MOB3B: variants seen among roughly 807,000 people sequenced by gnomAD.
MOB3B encodes MOB kinase activator-like 2B.
Under a neutral mutation model 18.7 loss-of-function variants are expected in MOB3B, and 7 were observed. The observed-to-expected ratio is 0.37, with a 90% CI of 0.21 to 0.70. The LOEUF (loss-of-function observed/expected upper bound fraction) is 0.70. Ranked by LOEUF, MOB3B falls within the 30% of genes least tolerant of loss-of-function variation. MOB3B has a pLI of 0.52. For synonymous variants in MOB3B, 111 were observed against 99.9 expected, an observed-to-expected ratio of 1.11 and a Z score of -0.66; for missense variants, 253 against 281.3, an observed-to-expected ratio of 0.90 and a Z score of 0.72.
intron 1 of MOB3B, among the ~76,000 whole-genome samples, chr9:27,525,717 T>C (rs1820426208): frequency 6.6e-6 from 1 of 152,190 alleles, no homozygotes; most frequent in Admixed American, 6.5e-5. Context: ...TGGTACAGAA[T>C]CTGTCTTTTA....
At chr9:27,407,753 C>A (rs1166900914) in intron 2 of MOB3B, among the ~76,000 whole-genome samples, 1 of 152,148 alleles carries the variant, frequency 6.6e-6, no homozygotes, top group Non-Finnish European at 1.5e-5. Context: ...GCTATCTGGG[C>A]ACTGGGAAGG....
intron 1 of MOB3B, among the ~76,000 whole-genome samples, chr9:27,520,074 T>C (rs899149736): frequency 6.6e-6 from 1 of 152,198 alleles, no homozygotes; most frequent in Non-Finnish European, 1.5e-5. Context: ...TTGAGTAATA[T>C]GGATGATCAA....
At chr9:27,499,752 G>T (rs1028483070) in intron 1 of MOB3B, among the ~76,000 whole-genome samples, 3 of 150,750 alleles carry the variant, frequency 2.0e-5, no homozygotes, top group African/African-American at 4.9e-5. Context: ...ATGGCTTTTG[G>T]TTTTTTTTTC....
At chr9:27,412,233 C>T (rs1384931792) in intron 2 of MOB3B, among the ~76,000 whole-genome samples, 1 of 151,614 alleles carries the variant, frequency 6.6e-6, no homozygotes, top group Non-Finnish European at 1.5e-5. Context: ...GCAGCCATAC[C>T]TACCCCCATT....
chr9:27,333,209 T>C (rs1820812676), intron 3 of MOB3B, among the ~76,000 whole-genome samples: 1 of 152,168 alleles, frequency 6.6e-6, no homozygotes, highest in Non-Finnish European at 1.5e-5. Context: ...GGGATGCCTC[T>C]TAAATTCATA....
chr9:27,427,739 T>A (rs760658110), intron 2 of MOB3B, among the ~76,000 whole-genome samples: 2 of 152,222 alleles, frequency 1.3e-5, no homozygotes, highest in Non-Finnish European at 2.9e-5. Context: ...GGGAAATGAA[T>A]GCCTTTGGAA....
chr9:27,462,369 G>A (rs1819306735), intron 1 of MOB3B, among the ~76,000 whole-genome samples: 1 of 152,144 alleles, frequency 6.6e-6, no homozygotes, highest in Non-Finnish European at 1.5e-5. Context: ...TCAGGTGAGG[G>A]TAGAAGAATG....
intron 1 of MOB3B, among the ~76,000 whole-genome samples, chr9:27,523,464 C>CAAAAAAAAAAAAAAAAA (rs55637136): frequency 1.0e-3 from 141 of 141,600 alleles, no homozygotes; most frequent in African/African-American, 1.3e-3. Flanking sequence ...TAAACTGCAC[C>CAAAAAAAAAAAAAAAAA]AAAAAAAAAA....
intron 2 of MOB3B, among the ~76,000 whole-genome samples, chr9:27,377,179 G>C (rs1426583507): frequency 2.6e-5 from 4 of 152,226 alleles, no homozygotes; most frequent in African/African-American, 9.6e-5. Flanking sequence ...AGCCATCAGA[G>C]AACTATTACT....
At chr9:27,507,186 C>T (rs1640096724) in intron 1 of MOB3B, among the ~76,000 whole-genome samples, 1 of 152,146 alleles carries the variant, frequency 6.6e-6, no homozygotes, top group Non-Finnish European at 1.5e-5. Flanking sequence ...GAAACAGAAG[C>T]TTCCATATGA....
chr9:27,478,087 T>C (rs1819582815), intron 1 of MOB3B, among the ~76,000 whole-genome samples: 1 of 152,224 alleles, frequency 6.6e-6, no homozygotes, highest in South Asian at 2.1e-4. Context: ...ACCAAGCCTA[T>C]GTCATGCACA....
intron 1 of MOB3B, among the ~76,000 whole-genome samples, chr9:27,481,751 T>A (rs1819660402): frequency 6.6e-6 from 1 of 152,034 alleles, no homozygotes; most frequent in African/African-American, 2.4e-5. Flanking sequence ...GGTCTCGATC[T>A]CCTGACCTCA....
At chr9:27,437,482 G>A (rs1476300836) in intron 2 of MOB3B, among the ~76,000 whole-genome samples, 1 of 152,088 alleles carries the variant, frequency 6.6e-6, no homozygotes, top group East Asian at 1.9e-4. Context: ...AGGGGCCATA[G>A]CTCTGTTAGC....
intron 2 of MOB3B, among the ~76,000 whole-genome samples, chr9:27,420,673 C>G (rs1335194800): frequency 6.9e-6 from 1 of 145,580 alleles, no homozygotes; most frequent in Non-Finnish European, 1.5e-5. Context: ...GACTATTATT[C>G]TAAGTGAAGT....
intron 2 of MOB3B, among the ~76,000 whole-genome samples, chr9:27,419,431 C>T (rs1356154069): frequency 6.6e-6 from 1 of 152,162 alleles, no homozygotes; most frequent in Non-Finnish European, 1.5e-5. Context: ...GTCACCAAAA[C>T]AGTGTGGTAC....
At chr9:27,491,789 C>G (rs1005436902) in intron 1 of MOB3B, among the ~76,000 whole-genome samples, 3 of 152,052 alleles carry the variant, frequency 2.0e-5, no homozygotes, top group South Asian at 2.1e-4. Context: ...AGGAGAATGG[C>G]GTGAACCAGG....
At chr9:27,427,346 C>A (rs1247407758) in intron 2 of MOB3B, among the ~76,000 whole-genome samples, 1 of 152,248 alleles carries the variant, frequency 6.6e-6, no homozygotes, top group Non-Finnish European at 1.5e-5. Flanking sequence ...GAAATGCAAG[C>A]AGGCATGAAC....
chr9:27,464,420 A>AT (rs928767952), intron 1 of MOB3B, among the ~76,000 whole-genome samples: 14 of 152,138 alleles, frequency 9.2e-5, no homozygotes, highest in Admixed American at 5.2e-4. Flanking sequence ...GAGTTCCAGT[A>AT]TTTTTTTGCA....
chr9:27,470,563 T>C (rs1819456202), intron 1 of MOB3B, among the ~76,000 whole-genome samples: 1 of 152,246 alleles, frequency 6.6e-6, no homozygotes, highest in Admixed American at 6.5e-5. Flanking sequence ...AAGCTCTGAA[T>C]CTGTAGCCCT....
Sources: gnomAD v4.1 joint callset for allele counts (sites outside exome capture counted in the v4.1 genomes callset) on GRCh38, gnomAD v4.1.1 for gene constraint, MANE v1.5 for transcripts, NCBI Gene and HGNC (gene_info 2026-07-23, HGNC 2026-07-21) for gene names.